The following DOK4 variants were observed in gnomAD, a reference collection of about 807,000 sequenced individuals.
DOK4 encodes docking protein 4.
In DOK4, 26 loss-of-function variants were observed where a neutral mutation model predicts 40.1. That is an observed-to-expected ratio of 0.65 (90% CI 0.48 to 0.90). DOK4 has a LOEUF of 0.90. DOK4 is among the 40% of genes least tolerant of loss of function. DOK4 has a pLI of 0.00. For missense variants in DOK4, 392 were observed against 437.2 expected, an observed-to-expected ratio of 0.90 and a Z score of 0.92; for synonymous variants, 179 against 177.0, an observed-to-expected ratio of 1.01 and a Z score of -0.09.
chr16:57,474,896 G>A (rs777247414), exon 6 of DOK4: 1 of 1,614,158 alleles, frequency 6.2e-7, no homozygotes, highest in Non-Finnish European at 8.5e-7. Context: ...ATGTCCCAGA[G>A]GTAGATGTTC....
At chr16:57,474,612 CAA>C (rs1281032779) in intron 6 of DOK4, 179 bp downstream of exon 6, 1 of 775,332 alleles carries the variant, frequency 1.3e-6, no homozygotes, top group Non-Finnish European at 2.0e-6. Context: ...ATGCTGTGGG[CAA>C]GTTACTCCTC....
At chr16:57,474,669 A>G in intron 6 of DOK4, 124 bp downstream of exon 6, 1 of 1,224,504 alleles carries the variant, frequency 8.2e-7, no homozygotes, top group Non-Finnish European at 1.1e-6. Context: ...GGAACATTAC[A>G]TTCCCCCTTG....
intron 6 of DOK4, 154 bp downstream of exon 6, chr16:57,474,639 A>G (rs1203659233): frequency 1.0e-6 from 1 of 996,906 alleles, no homozygotes. Context: ...CCTCCATTTC[A>G]TTTCTTCGTC....
rs777440884 is a variant in DOK4, at chr16:57,479,394, G to A, written c.66+48C>T. On this transcript the variant is annotated intron_variant, in intron 2 of 8. Coordinates refer to ENST00000340099, the Ensembl canonical transcript of DOK4. This position sits in a 1 kb window ranked among gnomAD's most constrained non-coding sequence, Gnocchi z 5.8. ...CCTCCAAGCCTGGGACCGAGTCCTC[G>A]GGCCCCCATCCCTTGGCAGGGCCCC... 4.4e-5 allele frequency: 70 copies of A among 1,604,866 alleles called. 1 individual carries two copies. In the South Asian group the frequency reaches 6.9e-4, roughly 16 times the overall value.
exon 9 of DOK4, chr16:57,473,485 A>G (rs1200044306): frequency 1.2e-6 from 2 of 1,614,150 alleles, no homozygotes; most frequent in Admixed American, 1.7e-5. Flanking sequence ...GGGCTGCCCC[A>G]TACCCCTCAC....
rs80083681 is a variant in DOK4, at chr16:57,485,100, G to T, written c.-182+1205C>A. On this transcript the variant is annotated intron_variant, in intron 1 of 8. Coordinates refer to ENST00000340099, the Ensembl canonical transcript of DOK4. The surrounding 1 kb of genome is among the most constrained non-coding windows in gnomAD (Gnocchi z 4.3). ...GACCTGGCTCAGCTTCCAGAGGTGC[G>T]TGAGCCACAGTGGGCTCCCAGCTCC... Among the ~76,000 whole-genome samples the T allele has an allele frequency of 6.6e-6, 1 of 152,226 alleles. No homozygotes were observed. Among genetic ancestry groups the T allele is most frequent in the African/African-American group, 2.4e-5 (1 of 41,460 alleles).
At chr16:57,475,446 T>C in intron 4 of DOK4, 60 bp downstream of exon 4, 1 of 1,497,668 alleles carries the variant, frequency 6.7e-7, no homozygotes, top group Non-Finnish European at 9.1e-7. Context: ...CGCTCCTAGC[T>C]GGACCTCTGA....
chr16:57,475,823 G>A lies in DOK4; in HGVS notation c.174+27C>T, dbSNP rs773322430. The A allele has an allele frequency of 5.0e-6, 8 of 1,589,992 alleles. No individual in the cohort carries two copies. The Admixed American group carries it at 1.4e-4, about 28-fold the overall frequency. On this transcript the variant is annotated intron_variant, in intron 3 of 8. Transcript: ENST00000340099. ...CCATCCCCCACAGCCCTGCCACTTG[G>A]GGGAGCTAGGGCCCAGGCCTCCTAA...
rs777750084 is a variant in DOK4, at chr16:57,473,543, C to T, written c.863-48G>A. ...AGAACTCAGAGCTAGGTCAAAAGACCCCTGCCCAATAGGCCTCATCCTCCA... is the reference window on the plus strand; with the variant it reads ...AGAACTCAGAGCTAGGTCAAAAGACTCCTGCCCAATAGGCCTCATCCTCCA... On this transcript the variant is annotated intron_variant, in intron 8 of 8. Transcript: ENST00000340099. 5 of 1,614,198 alleles carry T rather than the reference C, an allele frequency of 3.1e-6. No individual in the cohort carries two copies. The Admixed American group carries it at 8.3e-5, about 27-fold the overall frequency.
rs1049172159 is a variant in DOK4 at position 57,485,166 on chromosome 16, T to C, written c.-182+1139A>G. On this transcript the variant is annotated intron_variant, in intron 1 of 8. Coordinates refer to ENST00000340099, the Ensembl canonical transcript of DOK4. The surrounding 1 kb of genome is among the most constrained non-coding windows in gnomAD (Gnocchi z 4.3). ...ACTGGCATGGCCAGCAGGCTGTTGT[T>C]ACTGGAGAACCAGCTGTGCCCAAGA... Among the ~76,000 whole-genome samples the C allele has an allele frequency of 1.3e-5, 2 of 152,200 alleles. No homozygotes were observed. The highest frequency in any genetic ancestry group is 2.9e-5 in the Non-Finnish European group (2 of 68,028).
intron 1 of DOK4, among the ~76,000 whole-genome samples, chr16:57,484,590 G>A (rs2031496333): frequency 6.6e-6 from 1 of 152,252 alleles, no homozygotes; most frequent in East Asian, 1.9e-4. Context: ...GTAATGCTGT[G>A]GCCCCGTACC....
Position 57,475,593 on chromosome 16 carries a change from C to T in DOK4, c.202G>A (p.Val68Ile). The stretch of plus-strand genomic sequence containing the variant: ...TTGGTCTCCTTGGGGAGCCGCGTAA[C>T]ACACTTGACGTTGCTGATCTCAGTC... Residue 68 changes from valine to isoleucine, a missense_variant, in exon 4 of 9, where the codon GTT becomes ATT. Physicochemically the swap from Val to Ile is conservative, Grantham distance 29. Coordinates refer to ENST00000340099, the Ensembl canonical transcript of DOK4. 3 of 1,608,150 alleles carry T rather than the reference C, an allele frequency of 1.9e-6. No homozygotes were observed. The highest frequency in any genetic ancestry group is 2.2e-5 in the East Asian group (1 of 44,722).
intron 2 of DOK4, among the ~76,000 whole-genome samples, chr16:57,478,223 AG>A: frequency 6.6e-6 from 1 of 152,334 alleles, no homozygotes; most frequent in South Asian, 2.1e-4. Flanking sequence ...GCCAGGGCCC[AG>A]TCTCAACTAG....
chr16:57,484,749 G>C (rs944904933), intron 1 of DOK4, among the ~76,000 whole-genome samples: 1 of 152,164 alleles, frequency 6.6e-6, no homozygotes, highest in Admixed American at 6.5e-5. Flanking sequence ...TCCTCCAGGA[G>C]GCCTTCCCTG....
intron 2 of DOK4, among the ~76,000 whole-genome samples, chr16:57,476,829 G>A (rs193115663): frequency 1.1e-4 from 17 of 152,350 alleles, no homozygotes; most frequent in Non-Finnish European, 2.5e-4. Flanking sequence ...TCCCCCAAGG[G>A]GGTGGGGAGC....
chr16:57,487,029 C>T (rs1757067907), upstream of DOK4: 1 of 152,574 alleles, frequency 6.6e-6, no homozygotes, highest in South Asian at 2.1e-4. Flanking sequence ...CCCCCTGAGA[C>T]TTTGCCCTCA....
intron 1 of DOK4, among the ~76,000 whole-genome samples, chr16:57,481,254 G>A (rs1175027159): frequency 1.3e-5 from 2 of 152,114 alleles, no homozygotes; most frequent in African/African-American, 2.4e-5. Context: ...GTGGGCACAC[G>A]CAAACAAGGG....
chr16:57,475,660 A>ATCTCTCTCTCTCTCTCTCTCTCTC (rs745508207), intron 3 of DOK4, 40 bp from the exon 4 acceptor site: 13 of 477,044 alleles, frequency 2.7e-5, no homozygotes, highest in African/African-American at 2.5e-4. Flanking sequence ...AGGCCAGTGC[A>ATCTCTCTCTCTCTCTCTCTCTCTC]TCTCTCTCTC....
chr16:57,475,820 T>C, intron 3 of DOK4, 30 bp downstream of exon 3: 3 of 1,515,122 alleles, frequency 2.0e-6, no homozygotes, highest in South Asian at 2.2e-5. Flanking sequence ...GCCCTGCCAC[T>C]TGGGGGAGCT....
Sources: allele counts gnomAD v4.1 joint callset (sites outside exome capture counted in the v4.1 genomes callset), GRCh38; gene constraint gnomAD v4.1.1; non-coding constraint Gnocchi (gnomAD v3.1); transcripts MANE v1.5; gene names NCBI Gene and HGNC (gene_info 2026-07-23, HGNC 2026-07-21).